The following DLGAP1 variants were observed in gnomAD, a reference collection of about 807,000 sequenced individuals.
DLGAP1 encodes disks large-associated protein 1.
DLGAP1 carries 11 observed loss-of-function variants against 90.8 expected under a neutral mutation model. The observed-to-expected ratio is 0.12, with a 90% CI of 0.08 to 0.20. The LOEUF is 0.20. Ranked by LOEUF, DLGAP1 falls within the 10% of genes least tolerant of loss-of-function variation. The probability of loss-of-function intolerance (pLI) is 1.00; values close to 1 mark genes in which losing one functional copy is unlikely to be tolerated. For synonymous variants in DLGAP1, 558 were observed against 540.7 expected (o/e 1.03, Z -0.44); for missense variants, 1,050 against 1,333.8 (o/e 0.79, Z 3.31).
At chr18:4,248,340 C>T (rs1305712772) in intron 1 of DLGAP1, among the ~76,000 whole-genome samples, 8 of 152,150 alleles carry the variant, frequency 5.3e-5, no homozygotes, top group East Asian at 1.9e-4. Flanking sequence ...GATATTGACT[C>T]GTTGGAGTCT....
intron 7 of DLGAP1, among the ~76,000 whole-genome samples, chr18:3,614,511 T>C (rs939455064): frequency 6.6e-6 from 1 of 151,926 alleles, no homozygotes; most frequent in African/African-American, 2.4e-5. Context: ...TGGTGGCAAA[T>C]AGCTGTATCA....
intron 1 of DLGAP1, among the ~76,000 whole-genome samples, chr18:4,216,980 A>G (rs117757437): frequency 0.024 from 3,582 of 152,216 alleles, 48 homozygotes; most frequent in African/African-American, 0.028. Flanking sequence ...CCATTGTTAC[A>G]GTATCATATT....
At chr18:4,118,317 G>C (rs566711846) in intron 2 of DLGAP1, among the ~76,000 whole-genome samples, 1 of 152,208 alleles carries the variant, frequency 6.6e-6, no homozygotes, top group South Asian at 2.1e-4. Flanking sequence ...ACAAGAGCTG[G>C]GGGTAGAACC....
chr18:3,860,621 T>C (rs2069990245), intron 4 of DLGAP1, among the ~76,000 whole-genome samples: 1 of 152,202 alleles, frequency 6.6e-6, no homozygotes, highest in Non-Finnish European at 1.5e-5. Flanking sequence ...GGTGAACGCC[T>C]CACTAATTTA....
chr18:4,167,657 A>G (rs1311070972), intron 1 of DLGAP1, among the ~76,000 whole-genome samples: 3 of 152,182 alleles, frequency 2.0e-5, no homozygotes, highest in Non-Finnish European at 4.4e-5. Flanking sequence ...TATATAGAAG[A>G]GCTGAACAAC....
intron 7 of DLGAP1, among the ~76,000 whole-genome samples, chr18:3,624,233 C>T (rs555496242): frequency 1.7e-4 from 26 of 152,326 alleles, no homozygotes; most frequent in Admixed American, 5.2e-4. Context: ...GTGACCTGGG[C>T]GTGAACCGTC....
At chr18:3,605,674 G>C (rs1158646266) in intron 7 of DLGAP1, among the ~76,000 whole-genome samples, 1 of 152,130 alleles carries the variant, frequency 6.6e-6, no homozygotes, top group African/African-American at 2.4e-5. Flanking sequence ...GTGACTTCTG[G>C]CCTCTCTGAA....
At chr18:4,112,795 T>C (rs1258668691) in intron 2 of DLGAP1, among the ~76,000 whole-genome samples, 4 of 152,170 alleles carry the variant, frequency 2.6e-5, no homozygotes, top group African/African-American at 9.7e-5. Context: ...GTGTCCATTT[T>C]TGCTATCTTT....
chr18:4,220,332 T>C lies in DLGAP1; in HGVS notation c.-266-69045A>G, dbSNP rs8096664. Among the ~76,000 whole-genome samples the C allele has an allele frequency of 3.4e-3, 517 of 152,274 alleles. 5 individuals are homozygous for C. The highest frequency in any genetic ancestry group is 0.012 in the African/African-American group (496 of 41,566). On this transcript the variant is annotated intron_variant, in intron 1 of 12. Coordinates refer to ENST00000315677, the MANE Select transcript of DLGAP1 (RefSeq NM_004746.4). ...TTAGATTCTATGGCTCATAATTTCA[T>C]TAAGACTCTTGCCAAGAACTTAGTA... is the stretch of plus-strand genomic sequence containing the variant.
chr18:3,839,425 G>A (rs1160886766), intron 4 of DLGAP1, among the ~76,000 whole-genome samples: 1 of 152,158 alleles, frequency 6.6e-6, no homozygotes, highest in Admixed American at 6.5e-5. Flanking sequence ...AAATCCACAC[G>A]TAGGCATTGG....
At chr18:3,858,208 C>A (rs1376034298) in intron 4 of DLGAP1, among the ~76,000 whole-genome samples, 1 of 152,048 alleles carries the variant, frequency 6.6e-6, no homozygotes, top group Non-Finnish European at 1.5e-5. Flanking sequence ...ATAAATTTTT[C>A]ATCATTTTTA....
intron 3 of DLGAP1, among the ~76,000 whole-genome samples, chr18:3,936,215 A>ATGTGAATC (rs1202700185): frequency 6.6e-6 from 1 of 152,180 alleles, no homozygotes; most frequent in Admixed American, 6.5e-5. Flanking sequence ...TCTCATACTG[A>ATGTGAATC]TGTGAATCTG....
intron 1 of DLGAP1, among the ~76,000 whole-genome samples, chr18:4,287,934 GGAGACTGCCTCAGTA>G (rs1367031702): frequency 6.6e-6 from 1 of 152,026 alleles, no homozygotes; most frequent in Middle Eastern, 3.2e-3. Context: ...CAAAGGCAGA[GGAGACTGCCTCAGTA>G]TACATGTCAC....
chr18:3,993,714 C>T (rs1404655251), intron 3 of DLGAP1, among the ~76,000 whole-genome samples: 4 of 152,058 alleles, frequency 2.6e-5, no homozygotes, highest in African/African-American at 4.8e-5. Context: ...ACCTCCTAAG[C>T]GATTCAGGAG....
chr18:3,609,782 G>T (rs1418890616), intron 7 of DLGAP1, among the ~76,000 whole-genome samples: 1 of 151,580 alleles, frequency 6.6e-6, no homozygotes, highest in Admixed American at 6.6e-5. Context: ...CGGAGGCCGG[G>T]CGCGGTGGCT....
intron 4 of DLGAP1, among the ~76,000 whole-genome samples, chr18:3,862,713 A>G (rs1448280685): frequency 6.6e-6 from 1 of 152,248 alleles, no homozygotes; most frequent in Non-Finnish European, 1.5e-5. Context: ...AGGGGAAGTG[A>G]GTTGTACTTA....
At chr18:4,236,038 C>T (rs2078408371) in intron 1 of DLGAP1, among the ~76,000 whole-genome samples, 1 of 152,014 alleles carries the variant, frequency 6.6e-6, no homozygotes, top group Admixed American at 6.6e-5. Flanking sequence ...AATGTTTTTT[C>T]TCTATCTTCA....
intron 5 of DLGAP1, among the ~76,000 whole-genome samples, chr18:3,750,900 T>C (rs539777204): frequency 1.2e-4 from 18 of 152,304 alleles, no homozygotes; most frequent in African/African-American, 4.3e-4. Context: ...AGAACCTCTA[T>C]TTAGGTCATT....
At chr18:3,543,165 AATTTTTTTTTT>A (rs146128710) in intron 9 of DLGAP1, among the ~76,000 whole-genome samples, 76,565 of 130,206 alleles carry the variant, frequency 0.59, 23,854 homozygotes, top group Non-Finnish European at 0.7. Context: ...CCATGACTCC[AATTTTTTTTTT>A]TTTTTTTTTT....
Sources: gnomAD v4.1 joint callset for allele counts (sites outside exome capture counted in the v4.1 genomes callset) on GRCh38, gnomAD v4.1.1 for gene constraint, MANE v1.5 for transcripts, NCBI Gene and HGNC (gene_info 2026-07-23, HGNC 2026-07-21) for gene names.